HECW2: variants seen among roughly 807,000 people sequenced by gnomAD.
The protein encoded by HECW2 is E3 ubiquitin-protein ligase HECW2.
HECW2 carries 61 observed loss-of-function variants against 175.2 expected under a neutral mutation model. That is an observed-to-expected ratio of 0.35 (90% confidence interval 0.28 to 0.43). The LOEUF is 0.43. Ranked by LOEUF, HECW2 falls within the 20% of genes least tolerant of loss-of-function variation. HECW2 has a pLI of 1.00. For synonymous variants in HECW2, 671 were observed against 731.0 expected, an observed-to-expected ratio of 0.92 and a Z score of 1.32; for missense variants, 1,524 against 2,000.5, an observed-to-expected ratio of 0.76 and a Z score of 4.54.
chr2:196,210,207 G>A (rs1217575335), intron 28 of HECW2, among the ~76,000 whole-genome samples: 1 of 152,128 alleles, frequency 6.6e-6, no homozygotes, highest in Non-Finnish European at 1.5e-5. Context: ...ACATTACAGA[G>A]CAATATTTAA....
rs904628722 is a variant in HECW2, at chr2:196,480,487, G to A, written c.-35-47029C>T. 5.3e-5 allele frequency among the ~76,000 whole-genome samples: 8 copies of A among 152,206 alleles called. No homozygotes were observed. In the South Asian group the frequency reaches 6.2e-4, roughly 12 times the overall value. On this transcript the variant is annotated intron_variant, in intron 1 of 28. Transcript: ENST00000644978. The stretch of plus-strand genomic sequence containing the variant: ...GAGAAGAGGATCCCAGCCTAGGACA[G>A]GTAGCATATTCCATCCCCCAGCCAC...
intron 3 of HECW2, among the ~76,000 whole-genome samples, chr2:196,339,484 T>C (rs1297680477): frequency 6.6e-6 from 1 of 152,202 alleles, no homozygotes; most frequent in Non-Finnish European, 1.5e-5. Flanking sequence ...CATAGCAATG[T>C]AGGATGAAGT....
chr2:196,264,799 C>T (rs914766255), intron 17 of HECW2, among the ~76,000 whole-genome samples: 7 of 152,170 alleles, frequency 4.6e-5, no homozygotes, highest in Non-Finnish European at 1.0e-4. Context: ...TAAATTAGTA[C>T]ATCCATTCAA....
chr2:196,221,498 T>C (rs1687669605), intron 24 of HECW2, among the ~76,000 whole-genome samples: 1 of 152,304 alleles, frequency 6.6e-6, no homozygotes, highest in Non-Finnish European at 1.5e-5. Context: ...TGTTCTTAAG[T>C]CTTCCCCAAA....
At chr2:196,356,898 G>C (rs1169469728) in intron 2 of HECW2, among the ~76,000 whole-genome samples, 2 of 152,110 alleles carry the variant, frequency 1.3e-5, no homozygotes, top group East Asian at 3.9e-4. Context: ...GAATCCACTG[G>C]GGGTCTTGGA....
At chr2:196,395,268 A>G (rs1694628104) in intron 2 of HECW2, among the ~76,000 whole-genome samples, 1 of 152,240 alleles carries the variant, frequency 6.6e-6, no homozygotes, top group South Asian at 2.1e-4. Context: ...AGAGGAAAAC[A>G]TACGGTAAAA....
At chr2:196,407,058 C>T (rs781411767) in intron 2 of HECW2, among the ~76,000 whole-genome samples, 52 of 152,224 alleles carry the variant, frequency 3.4e-4, no homozygotes, top group Middle Eastern at 6.8e-3. Flanking sequence ...GTATGTCTAG[C>T]GCCAAGTGGA....
chr2:196,405,500 T>C (rs1465545107), intron 2 of HECW2, among the ~76,000 whole-genome samples: 1 of 152,204 alleles, frequency 6.6e-6, no homozygotes, highest in Admixed American at 6.5e-5. Context: ...ACCACTCATC[T>C]GCCATACTTC....
At chr2:196,379,013 G>A (rs1415516041) in intron 2 of HECW2, among the ~76,000 whole-genome samples, 1 of 151,772 alleles carries the variant, frequency 6.6e-6, no homozygotes, top group East Asian at 1.9e-4. Context: ...AGACCCTTTT[G>A]GTTAACCTCC....
chr2:196,435,605 C>A (rs1695845818), intron 1 of HECW2, among the ~76,000 whole-genome samples: 1 of 152,284 alleles, frequency 6.6e-6, no homozygotes, highest in South Asian at 2.1e-4. Context: ...GTATGTATGC[C>A]CACATTACTG....
chr2:196,555,917 AG>A (rs980620887), intron 1 of HECW2, among the ~76,000 whole-genome samples: 1 of 152,238 alleles, frequency 6.6e-6, no homozygotes, highest in Non-Finnish European at 1.5e-5. Context: ...CTTCAGCCAC[AG>A]TGGCATCTGC....
chr2:196,302,870 T>A (rs527585012), intron 13 of HECW2, among the ~76,000 whole-genome samples: 1 of 152,344 alleles, frequency 6.6e-6, no homozygotes, highest in African/African-American at 2.4e-5. Context: ...CAAAGATAAT[T>A]TGACTTCCTT....
chr2:196,427,419 T>A (rs1435304792), intron 2 of HECW2, among the ~76,000 whole-genome samples: 1 of 152,202 alleles, frequency 6.6e-6, no homozygotes, highest in Non-Finnish European at 1.5e-5. Flanking sequence ...TGTTTGTTTT[T>A]CTTTTGAACA....
chr2:196,359,466 A>G (rs912125588), intron 2 of HECW2, among the ~76,000 whole-genome samples: 2 of 152,054 alleles, frequency 1.3e-5, no homozygotes, highest in African/African-American at 4.8e-5. Context: ...AAACAAACAA[A>G]CAAACAAACA....
In HECW2 at chr2:196,222,261, G is replaced by T. The variant is rs758983822; in HGVS notation, c.4096C>A (p.His1366Asn). The T allele has an allele frequency of 6.2e-7, 1 of 1,613,768 alleles. No individual in the cohort carries two copies. ...SLQWMKDNDI[H>N]DILDLTFTVN... ...GTGAACGTGAGGTCTAGGATGTCAT[G>T]GATATCATTGTCTTTCATCCACTGC... is the stretch of plus-strand genomic sequence containing the variant. Residue 1366 changes from histidine to asparagine, a missense_variant, in exon 24 of 29, where the codon CAT (histidine) becomes AAT (asparagine). Around this residue, in one of 11 missense-constraint regions of HECW2, gnomAD observed 134 missense variants for 287.8 expected, o/e 0.47. Transcript: ENST00000644978.
At chr2:196,559,859 G>C (rs1199627022) in intron 1 of HECW2, among the ~76,000 whole-genome samples, 1 of 152,080 alleles carries the variant, frequency 6.6e-6, no homozygotes, top group Non-Finnish European at 1.5e-5. Context: ...CAATTGTATT[G>C]AGCCAACAAT....
intron 2 of HECW2, among the ~76,000 whole-genome samples, chr2:196,378,952 G>A (rs895636378): frequency 1.4e-4 from 22 of 152,088 alleles, no homozygotes; most frequent in Admixed American, 6.5e-5. Context: ...GAAGTACACA[G>A]CACCACCAAA....
intron 1 of HECW2, among the ~76,000 whole-genome samples, chr2:196,506,808 G>A (rs1223577087): frequency 6.6e-6 from 1 of 151,966 alleles, no homozygotes; most frequent in Non-Finnish European, 1.5e-5. Context: ...TACTACCTGA[G>A]AGTAGTTCAC....
At chr2:196,221,093 G>T in intron 24 of HECW2, 152 bp from the exon 25 acceptor site, 1 of 719,788 alleles carries the variant, frequency 1.4e-6, no homozygotes, top group Non-Finnish European at 2.3e-6. Context: ...AGGCACTCAC[G>T]GAGCACACAC....
Sources: allele counts gnomAD v4.1 joint callset (sites outside exome capture counted in the v4.1 genomes callset), GRCh38; gene constraint gnomAD v4.1.1; regional missense constraint gnomAD v4.1.1; transcripts MANE v1.5; gene names NCBI Gene and HGNC (gene_info 2026-07-23, HGNC 2026-07-21).